The following RALGPS1 variants were observed in gnomAD, a reference collection of about 807,000 sequenced individuals.
RALGPS1 encodes Ral GEF with PH domain and SH3 binding motif 1.
RALGPS1 carries 19 observed loss-of-function variants against 78.8 expected under a neutral mutation model. The ratio of observed to expected loss-of-function variants is 0.24; its 90% CI spans 0.17 to 0.35. The LOEUF is 0.35. RALGPS1 is among the 10% of genes least tolerant of loss of function. The probability of loss-of-function intolerance (pLI) is 1.00; values close to 1 mark genes in which losing one functional copy is unlikely to be tolerated. For synonymous variants in RALGPS1, 228 were observed against 256.3 expected (o/e 0.89, Z 1.06); for missense variants, 454 against 688.3 (o/e 0.66, Z 3.81).
intron 4 of RALGPS1, among the ~76,000 whole-genome samples, chr9:126,982,188 C>T (rs2041305259): frequency 6.6e-6 from 1 of 152,168 alleles, no homozygotes; most frequent in Non-Finnish European, 1.5e-5. Context: ...ACAGATCAGC[C>T]CTCTTCACCA....
intron 5 of RALGPS1, among the ~76,000 whole-genome samples, chr9:127,041,911 G>A (rs759134030): frequency 3.9e-5 from 6 of 152,190 alleles, no homozygotes; most frequent in Non-Finnish European, 7.3e-5. Flanking sequence ...CATGAAGGCT[G>A]AGGCAGAGAC....
At chr9:127,107,348 C>A (rs999449154) in intron 8 of RALGPS1, among the ~76,000 whole-genome samples, 2 of 152,122 alleles carry the variant, frequency 1.3e-5, no homozygotes, top group African/African-American at 4.8e-5. Context: ...TAAGATGAAA[C>A]GTGTATGTAA....
chr9:127,065,285 T>A (rs2049591297), intron 7 of RALGPS1, among the ~76,000 whole-genome samples: 1 of 152,160 alleles, frequency 6.6e-6, no homozygotes, highest in Non-Finnish European at 1.5e-5. Flanking sequence ...GGCTAATTTT[T>A]GTATTTTTAG....
chr9:126,987,388 C>G (rs1215424475), intron 4 of RALGPS1, among the ~76,000 whole-genome samples: 2 of 152,122 alleles, frequency 1.3e-5, no homozygotes, highest in African/African-American at 2.4e-5. Flanking sequence ...AATGAATAAC[C>G]CTTTGGAAAG....
chr9:127,195,226 C>G lies in RALGPS1; in HGVS notation c.1037+9C>G. 1 of 1,607,890 alleles carries G rather than the reference C, an allele frequency of 6.2e-7. No homozygotes were observed. Among genetic ancestry groups the G allele is most frequent in the Non-Finnish European group, 8.5e-7 (1 of 1,179,802 alleles). ...CACAGCCTAGGCAACAAGTGGGTGA[C>G]TGAGCAAGCCCTCCCGCCGGGCTTC... On this transcript the variant is annotated intron_variant, in intron 12 of 18. Transcript: ENST00000259351.
At chr9:127,174,659 G>C in intron 10 of RALGPS1, 56 bp from the exon 11 acceptor site, 2 of 1,516,310 alleles carry the variant, frequency 1.3e-6, no homozygotes, top group Admixed American at 1.7e-5. Flanking sequence ...GCCCCAAACA[G>C]GTTCCTGTGT....
chr9:127,049,374 G>T (rs899598315), intron 5 of RALGPS1, among the ~76,000 whole-genome samples: 1 of 152,128 alleles, frequency 6.6e-6, no homozygotes, highest in African/African-American at 2.4e-5. Context: ...TATGTGAGAG[G>T]TCAAGCATGA....
At chr9:127,181,303 A>G (rs1007768966) in intron 11 of RALGPS1, among the ~76,000 whole-genome samples, 1 of 152,246 alleles carries the variant, frequency 6.6e-6, no homozygotes, top group African/African-American at 2.4e-5. Flanking sequence ...CTCTCTGCCA[A>G]GCACCATCGT....
At chr9:126,916,847 A>T (rs1332001845) in intron 1 of RALGPS1, among the ~76,000 whole-genome samples, 2 of 152,156 alleles carry the variant, frequency 1.3e-5, no homozygotes, top group African/African-American at 2.4e-5. Flanking sequence ...TCCACTGTGT[A>T]CCCACAGGGG....
At chr9:127,168,272 A>G (rs2059390348) in intron 9 of RALGPS1, among the ~76,000 whole-genome samples, 1 of 152,154 alleles carries the variant, frequency 6.6e-6, no homozygotes, top group African/African-American at 2.4e-5. Flanking sequence ...GCTGGTGGGT[A>G]GATATAGGAG....
At chr9:127,067,179 G>A (rs1282200434) in intron 7 of RALGPS1, among the ~76,000 whole-genome samples, 1 of 152,166 alleles carries the variant, frequency 6.6e-6, no homozygotes, top group Non-Finnish European at 1.5e-5. Flanking sequence ...CAAACAGCAA[G>A]TAGAAGATGG....
intron 8 of RALGPS1, among the ~76,000 whole-genome samples, chr9:127,118,225 C>T (rs1428144886): frequency 6.6e-6 from 1 of 152,124 alleles, no homozygotes; most frequent in African/African-American, 2.4e-5. Flanking sequence ...TTGATGTGTA[C>T]ATGTGACAGG....
chr9:127,060,445 G>T (rs1342254069), intron 7 of RALGPS1, among the ~76,000 whole-genome samples: 1 of 152,152 alleles, frequency 6.6e-6, no homozygotes, highest in Non-Finnish European at 1.5e-5. Context: ...GATTAAATGA[G>T]TAAATACATG....
At chr9:126,979,182 A>G (rs1006614362) in intron 4 of RALGPS1, among the ~76,000 whole-genome samples, 1 of 151,978 alleles carries the variant, frequency 6.6e-6, no homozygotes, top group African/African-American at 2.4e-5. Flanking sequence ...AACTAGTACC[A>G]CTAGCTTTGT....
At chr9:127,108,101 T>G (rs1174448729) in intron 8 of RALGPS1, 1 of 1,612,502 alleles carries the variant, frequency 6.2e-7, no homozygotes, top group Non-Finnish European at 8.5e-7. Context: ...GGGACGGGCC[T>G]GGCCGAGGGC....
chr9:127,214,620 T>G, intron 17 of RALGPS1, 131 bp from the exon 18 acceptor site: 1 of 1,403,084 alleles, frequency 7.1e-7, no homozygotes, highest in Non-Finnish European at 9.3e-7. Flanking sequence ...CTGCTTTCTC[T>G]GCATGTTCCA....
At chr9:127,208,375 C>G (rs2062047878) in intron 14 of RALGPS1, among the ~76,000 whole-genome samples, 1 of 152,212 alleles carries the variant, frequency 6.6e-6, no homozygotes, top group Non-Finnish European at 1.5e-5. Context: ...ATGACAGACC[C>G]CACCATGTTT....
At chr9:127,150,503 A>T (rs1354249795) in intron 8 of RALGPS1, among the ~76,000 whole-genome samples, 1 of 151,634 alleles carries the variant, frequency 6.6e-6, no homozygotes, top group East Asian at 1.9e-4. Context: ...CACCCCCCTC[A>T]CCCCACCCAC....
rs751565884 is a variant in RALGPS1, at chr9:127,069,349, C to G, written c.603C>G (p.Pro201=). The change falls in exon 8 of 19, where the codon CCC becomes CCG. Residue 201 remains proline (P), a synonymous_variant. Transcript: ENST00000259351. ...IRSLKMVPSI[P]YLGIYLLDLI... ...GCCTGAAGATGGTTCCAAGTATTCC[C>G]TATCTAGGTAGGAGTTTGAATTGGC... 12 of 1,613,686 alleles carry G rather than the reference C, an allele frequency of 7.4e-6. No homozygotes were observed. Among genetic ancestry groups the G allele is most frequent in the South Asian group, 1.1e-5 (1 of 91,048 alleles).
Sources: gnomAD v4.1 joint callset for allele counts (sites outside exome capture counted in the v4.1 genomes callset) on GRCh38, gnomAD v4.1.1 for gene constraint, MANE v1.5 for transcripts, NCBI Gene and HGNC (gene_info 2026-07-23, HGNC 2026-07-21) for gene names.